The following MUC6 variants were observed in gnomAD, a reference collection of about 807,000 sequenced individuals.
MUC6 encodes mucin 6, oligomeric mucus/gel-forming (gene/pseudogene), also known as mucin-6.
In MUC6, 188 loss-of-function variants were observed where a neutral mutation model predicts 201.5. The ratio of observed to expected loss-of-function variants is 0.93; its 90% CI spans 0.83 to 1.05. The LOEUF is 1.05. Among genes scored for constraint, MUC6 ranks in the 50% least tolerant of loss-of-function variants. The pLI, the probability that MUC6 is intolerant of heterozygous loss-of-function variation, is 0.00. For synonymous variants in MUC6, 1,228 were observed against 1,389.4 expected (o/e 0.88, Z 2.58); for missense variants, 2,706 against 3,256.9 (o/e 0.83, Z 4.12).
intron 26 of MUC6, among the ~76,000 whole-genome samples, chr11:1,022,363 AG>A (rs1288042524): frequency 6.8e-6 from 1 of 147,824 alleles, no homozygotes; most frequent in Admixed American, 6.7e-5. Context: ...TGCCCTCTGC[AG>A]CCCGCGCCCC....
In MUC6 at chr11:1,028,935, C is replaced by G; in HGVS notation, c.1407G>C (p.Glu469Asp). ...TGGCTTCTCCGTTGTTGGTGACCACCTCGTCCTGAGAGATCACAATTTTGT... is the reference window on the plus strand; with the variant it reads ...TGGCTTCTCCGTTGTTGGTGACCACGTCGTCCTGAGAGATCACAATTTTGT... ...RQDKIVISQD[E>D]VVTNNGEAKW... Residue 469 changes from glutamate to aspartate, a missense_variant, in exon 12 of 33, where the codon GAG becomes GAC. By Grantham distance (45) the Glu-to-Asp change is conservative. Coordinates refer to ENST00000421673, the MANE Select transcript of MUC6 (RefSeq NM_005961.3). 1.2e-6 allele frequency: 2 copies of G among 1,613,082 alleles called. No individual in the cohort carries two copies. The highest frequency in any genetic ancestry group is 1.7e-6 in the Non-Finnish European group (2 of 1,179,888).
chr11:1,021,658 C>T (rs1254998944), intron 26 of MUC6, among the ~76,000 whole-genome samples: 4 of 152,156 alleles, frequency 2.6e-5, no homozygotes, highest in South Asian at 2.1e-4. Flanking sequence ...GTTTCACCCG[C>T]GCACCTTGCT....
chr11:1,021,368 C>CTTTTT (rs541461716), intron 26 of MUC6, 91 bp from the exon 27 acceptor site: 8 of 449,194 alleles, frequency 1.8e-5, no homozygotes, highest in South Asian at 6.0e-5. Context: ...TTCCTCTCTG[C>CTTTTT]TTTTTTTTTT....
At chr11:1,015,223 AG>A (rs1554896032) in intron 31 of MUC6, among the ~76,000 whole-genome samples, 1 of 82 alleles carries the variant, frequency 0.012, no homozygotes, top group South Asian at 0.25. Flanking sequence ...GGCCGGGAAG[AG>A]ACCGTGGCCC....
intron 29 of MUC6, 109 bp downstream of exon 29, chr11:1,019,981 A>T: frequency 7.5e-7 from 1 of 1,326,392 alleles, no homozygotes; most frequent in Non-Finnish European, 1.1e-6. Context: ...GAATCTGCTT[A>T]GTGGCAGATG....
Position 1,031,899 on chromosome 11 carries a change from T to G in MUC6, c.270A>C (p.Pro90=). 7.4e-6 allele frequency: 12 copies of G among 1,613,220 alleles called. No homozygotes were observed. Among genetic ancestry groups the G allele is most frequent in the Non-Finnish European group, 1.0e-5 (12 of 1,179,878 alleles). ...PTFSVQLRRG[P]DGSISRIIVE... ...CGATGATCCGCGAGATGCTCCCGTCTGGGCCTCGCCGCAGCTGGACACTGA... is the reference window on the plus strand; with the variant it reads ...CGATGATCCGCGAGATGCTCCCGTCGGGGCCTCGCCGCAGCTGGACACTGA... The change falls in exon 3 of 33, where the codon CCA becomes CCC. Residue 90 remains proline (P), a synonymous_variant. Coordinates refer to ENST00000421673, the MANE Select transcript of MUC6 (RefSeq NM_005961.3).
Position 1,030,680 on chromosome 11 carries a change from G to A in MUC6, c.785C>T (p.Pro262Leu), listed in dbSNP as rs1274680571. Residue 262 changes from proline to leucine, a missense_variant, in exon 7 of 33, where the codon CCC (proline) becomes CTC (leucine). Pro to Leu is a moderately conservative substitution (Grantham distance 98, BLOSUM62 -3). This residue lies in a region of MUC6 where 1,850 missense variants were observed against 1,958.3 expected (regional missense o/e 0.94). Coordinates refer to ENST00000421673, the MANE Select transcript of MUC6 (RefSeq NM_005961.3). ...ACTGCTGTTCTGTGGGCCTGGCTGG[G>A]GGGCTGCGGCCACGTCCGCCTGGCA... ...LSCQADVAAA[P>L]QPGPQNSSCA... is the part of the protein sequence containing the mutation. 5.8e-6 allele frequency: 9 copies of A among 1,550,022 alleles called. No homozygotes were observed. The highest frequency in any genetic ancestry group is 7.8e-6 in the Non-Finnish European group (9 of 1,149,140).
At position 1,025,845 on chromosome 11, in the gene MUC6, G is replaced by A. The variant is rs754594994; in HGVS notation, c.2759C>T (p.Ser920Phe). The A allele has an allele frequency of 5.6e-6, 9 of 1,612,982 alleles. No individual in the cohort carries two copies. The highest frequency in any genetic ancestry group is 7.6e-6 in the Non-Finnish European group (9 of 1,179,784). ...ILTENVICGN[S>F]GVTCSRAIKI... is the part of the protein sequence containing the mutation. ...GATGGCCCGTGAGCATGTGACCCCG[G>A]AGTTCCCACAGATGACGTTCTCTGT... The change falls in exon 22 of 33, where the codon TCC becomes TTC. Residue 920 changes from serine (S) to phenylalanine (F), a missense_variant. Physicochemically the swap from Ser to Phe is radical, Grantham distance 155. Around this residue, in one of 10 missense-constraint regions of MUC6, gnomAD observed 1,850 missense variants for 1,958.3 expected, o/e 0.94. Transcript: ENST00000421673.
intron 26 of MUC6, among the ~76,000 whole-genome samples, chr11:1,022,664 C>T (rs924432574): frequency 3.9e-5 from 6 of 152,228 alleles, no homozygotes; most frequent in Admixed American, 2.0e-4. Flanking sequence ...GGTTGCAGGA[C>T]TGTTTGTTTT....
chr11:1,027,474 T>C lies in MUC6; in HGVS notation c.2025A>G (p.Gln675=). ...TGNTTFSYNS[Q]ACERTCLSLS... is the part of the protein sequence containing the mutation. ...GCGACAGGCAGGTGCGCTCACAGGC[T>C]TGGCTGTTGTAGCTGAAGGTGGTGT... Residue 675 remains glutamine (Q), a synonymous_variant, in exon 17 of 33, where the codon CAA becomes CAG. Coordinates refer to ENST00000421673, the MANE Select transcript of MUC6 (RefSeq NM_005961.3). The C allele has an allele frequency of 6.2e-7, 1 of 1,612,652 alleles. No homozygotes were observed. Among genetic ancestry groups the C allele is most frequent in the Non-Finnish European group, 8.5e-7 (1 of 1,179,812 alleles).
rs527298203 is a variant in MUC6 at position 1,021,121 on chromosome 11, C to G, written c.3589+94G>C. 2.4e-6 allele frequency: 3 copies of G among 1,260,936 alleles called. No homozygotes were observed. The East Asian group carries it at 8.1e-5, about 34-fold the overall frequency. The allele number at this position is 1,260,936 out of a possible 1,614,324, so 78.1% of individuals were successfully genotyped here. A position where few individuals can be genotyped will look rare whatever the true frequency, so the allele number is the denominator to read the frequency against. On this transcript the variant is annotated intron_variant, in intron 27 of 32. Coordinates refer to ENST00000421673, the MANE Select transcript of MUC6 (RefSeq NM_005961.3). ...GAGCTCACGTAAGGGCTCACAGCCC[C>G]CGAGGGCTCTCTCCCTTGTTTGTGG... is the stretch of plus-strand genomic sequence containing the variant.
chr11:1,027,202 G>A lies in MUC6; in HGVS notation c.2232-9C>T, dbSNP rs765754944. 5 of 1,612,204 alleles carry A rather than the reference G, an allele frequency of 3.1e-6. No individual in the cohort carries two copies. The highest frequency in any genetic ancestry group is 2.2e-5 in the East Asian group (1 of 44,884). The stretch of plus-strand genomic sequence containing the variant: ...GCCCGTTGATGCAGTGGCTGCAAGA[G>A]AGAGGCTGCGTGAGACCCCGGGACC... On this transcript the variant is annotated splice_polypyrimidine_tract_variant and intron_variant, in intron 17 of 32. Coordinates refer to ENST00000421673, the MANE Select transcript of MUC6 (RefSeq NM_005961.3).
chr11:1,031,099 C>G (rs1372978602), intron 5 of MUC6, 43 bp from the exon 6 acceptor site: 3 of 1,532,882 alleles, frequency 2.0e-6, no homozygotes, highest in Admixed American at 4.1e-5. Context: ...GGCTGGGCCT[C>G]AGAGGCCCCC....
rs1195707910 is a variant in MUC6 at position 1,013,124 on chromosome 11, C to A, written c.*332G>T. ...GGCTTCATCTGCAGGGTTCTGGGCC[C>A]AGCAGGGCTGGGGCCAAGTTCAGGG... is the stretch of plus-strand genomic sequence containing the variant. On this transcript the variant is annotated 3_prime_UTR_variant, in exon 33 of 33. Transcript: ENST00000421673. 7.8e-6 allele frequency: 3 copies of A among 383,824 alleles called. No homozygotes were observed. Among genetic ancestry groups the A allele is most frequent in the Non-Finnish European group, 1.4e-5 (3 of 212,248 alleles). 23.8% of individuals were successfully genotyped at this position (383,824 alleles called of 1,614,324 possible).
chr11:1,031,109 C>A, intron 5 of MUC6, 53 bp from the exon 6 acceptor site: 1 of 1,431,288 alleles, frequency 7.0e-7, no homozygotes, highest in Non-Finnish European at 9.3e-7. Context: ...CAGAGGCCCC[C>A]CTGCCCTGCC....
chr11:1,035,515 A>G (rs958126873), intron 1 of MUC6, among the ~76,000 whole-genome samples: 1 of 150,800 alleles, frequency 6.6e-6, no homozygotes, highest in Non-Finnish European at 1.5e-5. Flanking sequence ...GCGGGCTCAG[A>G]GACCCCCATA....
chr11:1,032,738 G>A (rs1857137518), intron 2 of MUC6, among the ~76,000 whole-genome samples: 1 of 148,840 alleles, frequency 6.7e-6, no homozygotes, highest in Non-Finnish European at 1.5e-5. Context: ...GTGTGCATGT[G>A]TGTTGGGTTG....
rs904778542 is a variant in MUC6, at chr11:1,013,937, C to T, written c.7104G>A (p.Thr2368=). The change falls in exon 32 of 33, where the codon ACG becomes ACA. Residue 2368 remains threonine (T), a synonymous_variant. Transcript: ENST00000421673. ...TGCAGGCGCCCTCACAGCGGGTTAC[C>T]GTCACGTTCGCCATGCACCCCTTGA... ...ITFKGCMANV[T]VTRCEGACIS... 45 of 1,608,314 alleles carry T rather than the reference C, an allele frequency of 2.8e-5. No homozygotes were observed. Among genetic ancestry groups the T allele is most frequent in the Non-Finnish European group, 3.5e-5 (41 of 1,178,160 alleles).
At position 1,028,030 on chromosome 11, in the gene MUC6, G is replaced by A. The variant is rs774312860; in HGVS notation, c.1783C>T (p.Leu595=). ...TCGAACACCGTGCCTGTCCTCAGCA[G>A]CATGGAGCAGTGGGTCTCTGCACAC... is the stretch of plus-strand genomic sequence containing the variant. ...KVCAETHCSM[L]LRTGTVFERC... The change falls in exon 15 of 33, where the codon CTG becomes TTG. Residue 595 remains leucine (L), a synonymous_variant. Transcript: ENST00000421673. The A allele has an allele frequency of 6.3e-7, 1 of 1,582,378 alleles. No individual in the cohort carries two copies. Among genetic ancestry groups the A allele is most frequent in the South Asian group, 1.2e-5 (1 of 86,530 alleles).
Sources: gnomAD v4.1 joint callset for allele counts (sites outside exome capture counted in the v4.1 genomes callset) on GRCh38, gnomAD v4.1.1 for gene constraint, gnomAD v4.1.1 regional missense constraint, MANE v1.5 for transcripts, NCBI Gene and HGNC (gene_info 2026-07-23, HGNC 2026-07-21) for gene names.